The following PAK2 variants were observed in gnomAD, a reference collection of about 807,000 sequenced individuals.
PAK2 encodes serine/threonine-protein kinase PAK 2.
In PAK2, 21 loss-of-function variants were observed where a neutral mutation model predicts 65.9. That is an observed-to-expected ratio of 0.32 (90% CI 0.23 to 0.46). The LOEUF (loss-of-function observed/expected upper bound fraction) is 0.46, where lower values mean the gene tolerates loss of function less well. PAK2 is among the 20% of genes least tolerant of loss of function. The pLI, the probability that PAK2 is intolerant of heterozygous loss-of-function variation, is 1.00. For synonymous variants in PAK2, 204 were observed against 219.7 expected (o/e 0.93, Z 0.63); for missense variants, 324 against 642.6 (o/e 0.50, Z 5.36).
chr3:196,755,003 T>C (rs1338421655), intron 1 of PAK2, among the ~76,000 whole-genome samples: 1 of 152,200 alleles, frequency 6.6e-6, no homozygotes, highest in Non-Finnish European at 1.5e-5. Context: ...TGAACTTTGT[T>C]TTATGAGGCA....
chr3:196,766,914 T>A (rs1478056977), intron 1 of PAK2, among the ~76,000 whole-genome samples: 6 of 143,790 alleles, frequency 4.2e-5, no homozygotes, highest in African/African-American at 1.3e-4. Context: ...AAAAAAAAAA[T>A]AGAAACAAGT....
chr3:196,824,990 C>G (rs1313856034), intron 13 of PAK2, among the ~76,000 whole-genome samples: 2 of 152,072 alleles, frequency 1.3e-5, no homozygotes, highest in Non-Finnish European at 2.9e-5. Context: ...CGTGTGGGAA[C>G]TCTGTACTAT....
chr3:196,797,398 G>C (rs1263822926), intron 2 of PAK2, among the ~76,000 whole-genome samples: 5 of 152,140 alleles, frequency 3.3e-5, no homozygotes, highest in Admixed American at 3.3e-4. Context: ...GGGAGGCAGA[G>C]GCTGCAGTGA....
intron 1 of PAK2, among the ~76,000 whole-genome samples, chr3:196,744,172 G>C (rs956589142): frequency 2.6e-5 from 4 of 151,922 alleles, no homozygotes; most frequent in Admixed American, 1.3e-4. Context: ...AGGAATTTGA[G>C]GTCAGCCAGG....
chr3:196,831,843 G>T lies in PAK2; in HGVS notation c.*3438G>T, dbSNP rs1186279374. The T allele has an allele frequency of 1.2e-4, 19 of 152,252 alleles. No individual in the cohort carries two copies. The East Asian group carries it at 3.7e-3, about 29-fold the overall frequency. 9.4% of individuals were successfully genotyped at this position (152,252 alleles called of 1,614,324 possible). A position where few individuals can be genotyped will look rare whatever the true frequency, so the allele number is the denominator to read the frequency against. On this transcript the variant is annotated 3_prime_UTR_variant, in exon 15 of 15. Transcript: ENST00000327134. ...TATTATAGATTATAGCTAAAATCCA[G>T]ATTAATACTCATTTGGGGTTTTTTA... is the stretch of plus-strand genomic sequence containing the variant.
In PAK2 at chr3:196,829,226, C is replaced by T. The variant is rs902857897; in HGVS notation, c.*821C>T. The T allele has an allele frequency of 2.0e-5, 3 of 152,624 alleles. No individual in the cohort carries two copies. Among genetic ancestry groups the T allele is most frequent in the African/African-American group, 7.2e-5 (3 of 41,462 alleles). 9.5% of individuals were successfully genotyped at this position (152,624 alleles called of 1,614,324 possible). A position where few individuals can be genotyped will look rare whatever the true frequency, so the allele number is the denominator to read the frequency against. On this transcript the variant is annotated 3_prime_UTR_variant, in exon 15 of 15. Transcript: ENST00000327134. Reference sequence around the variant, plus strand: ...CTGCCTGTTTCCCCTTCAGGCTTGGCTCTAGGAACCAAAGTGATTTGTTGT... The same window carrying T: ...CTGCCTGTTTCCCCTTCAGGCTTGGTTCTAGGAACCAAAGTGATTTGTTGT...
intron 7 of PAK2, among the ~76,000 whole-genome samples, chr3:196,808,468 A>G (rs1170741848): frequency 2.0e-5 from 3 of 149,598 alleles, no homozygotes; most frequent in East Asian, 4.1e-4. Context: ...GGCTGAGGCA[A>G]GAGAATCACT....
At chr3:196,798,349 CT>C (rs35883501) in intron 2 of PAK2, among the ~76,000 whole-genome samples, 37 of 145,012 alleles carry the variant, frequency 2.6e-4, no homozygotes, top group African/African-American at 2.8e-4. Flanking sequence ...TTTCTTTTCT[CT>C]TTTTTTTTTT....
intron 1 of PAK2, among the ~76,000 whole-genome samples, chr3:196,763,136 G>A (rs1368512860): frequency 2.6e-5 from 4 of 152,120 alleles, no homozygotes; most frequent in Non-Finnish European, 5.9e-5. Flanking sequence ...TGGAGAGAGC[G>A]TGGTTGTAAA....
chr3:196,772,053 C>G (rs771572335), intron 1 of PAK2, among the ~76,000 whole-genome samples: 10 of 152,156 alleles, frequency 6.6e-5, no homozygotes, highest in Non-Finnish European at 1.0e-4. Context: ...CAAGCTGCTT[C>G]TATGTGTCCT....
rs1385560644 is a variant in PAK2 at position 196,825,903 on chromosome 3, GT to G, written c.1351-1292del. 1.2e-4 allele frequency among the ~76,000 whole-genome samples: 18 copies of G among 152,208 alleles called. No homozygotes were observed. The East Asian group carries it at 1.5e-3, about 13-fold the overall frequency. On this transcript the variant is annotated intron_variant, in intron 13 of 14. Transcript: ENST00000327134. ...TCTTGTCCAGGCTGGAGTTACAGTG[GT>G]GCAATCTTGGCTCACTGCAACCTCC...
At chr3:196,742,833 C>T (rs1341417131) in intron 1 of PAK2, among the ~76,000 whole-genome samples, 2 of 152,140 alleles carry the variant, frequency 1.3e-5, no homozygotes, top group East Asian at 1.9e-4. Flanking sequence ...CGGAGAATGG[C>T]GTGATGAACC....
intron 1 of PAK2, among the ~76,000 whole-genome samples, chr3:196,767,456 C>A (rs948942046): frequency 6.6e-6 from 1 of 151,968 alleles, no homozygotes; most frequent in Non-Finnish European, 1.5e-5. Context: ...AAAGAAAAGG[C>A]GAGCAATTTA....
chr3:196,810,184 A>T (rs1348179449), intron 7 of PAK2, among the ~76,000 whole-genome samples: 3 of 151,932 alleles, frequency 2.0e-5, no homozygotes, highest in African/African-American at 7.2e-5. Flanking sequence ...ATTCAAATAT[A>T]TCTATTTTAT....
chr3:196,768,500 G>T (rs1221207378), intron 1 of PAK2, among the ~76,000 whole-genome samples: 27 of 151,286 alleles, frequency 1.8e-4, no homozygotes, highest in South Asian at 4.2e-4. Context: ...ATATATGTAT[G>T]TATGTATTTA....
At chr3:196,782,351 T>G (rs984117946) in intron 1 of PAK2, among the ~76,000 whole-genome samples, 1 of 152,144 alleles carries the variant, frequency 6.6e-6, no homozygotes, top group Non-Finnish European at 1.5e-5. Context: ...AGAAGGTCTC[T>G]TAGAATCCAT....
chr3:196,777,483 C>T (rs1371847437), intron 1 of PAK2, among the ~76,000 whole-genome samples: 2 of 152,162 alleles, frequency 1.3e-5, no homozygotes, highest in African/African-American at 2.4e-5. Context: ...AGATTACAGG[C>T]GCGAGCCAAC....
chr3:196,773,255 G>A (rs978504500), intron 1 of PAK2, among the ~76,000 whole-genome samples: 3 of 152,112 alleles, frequency 2.0e-5, no homozygotes, highest in Non-Finnish European at 4.4e-5. Context: ...ACTACTTACC[G>A]TTTGCTCTTT....
Position 196,820,021 on chromosome 3 carries a change from T to C in PAK2, c.1154-350T>C, listed in dbSNP as rs1273015961. On this transcript the variant is annotated intron_variant, in intron 12 of 14. Coordinates refer to ENST00000327134, the MANE Select transcript of PAK2 (RefSeq NM_002577.4). This position sits in a 1 kb window ranked among gnomAD's most constrained non-coding sequence, Gnocchi z 4.6. ...TAAACAAAATTAAAAGACAAAGTAG[T>C]TTCCATGACCTGACCTTTACCTGAT... Among the ~76,000 whole-genome samples the C allele has an allele frequency of 2.0e-5, 3 of 152,176 alleles. No homozygotes were observed. Among genetic ancestry groups the C allele is most frequent in the Admixed American group, 6.5e-5 (1 of 15,268 alleles).
Sources: allele counts gnomAD v4.1 joint callset (sites outside exome capture counted in the v4.1 genomes callset), GRCh38; gene constraint gnomAD v4.1.1; non-coding constraint Gnocchi (gnomAD v3.1); transcripts MANE v1.5; gene names NCBI Gene and HGNC (gene_info 2026-07-23, HGNC 2026-07-21).